Variants in TSPEAR observed in about 807,000 individuals in gnomAD.
TSPEAR encodes the protein thrombospondin type laminin G domain and EAR repeats, also known as thrombospondin-type laminin G domain and EAR repeat-containing protein.
A neutral mutation model predicts 71.6 loss-of-function variants in TSPEAR; 69 were observed. The ratio of observed to expected loss-of-function variants is 0.96; its 90% confidence interval spans 0.79 to 1.18. The LOEUF (loss-of-function observed/expected upper bound fraction) is 1.18, where lower values mean the gene tolerates loss of function less well. Ranked by LOEUF, TSPEAR falls within the 50% of genes most tolerant of loss-of-function variation. The pLI is 0.00. For synonymous variants in TSPEAR, 402 were observed against 387.2 expected, an observed-to-expected ratio of 1.04 and a Z score of -0.45; for missense variants, 971 against 894.9, an observed-to-expected ratio of 1.09 and a Z score of -1.09.
chr21:44,668,939 G>A lies in TSPEAR; in HGVS notation c.82+42494C>T, dbSNP rs182522700. Among the ~76,000 whole-genome samples the A allele has an allele frequency of 7.9e-5, 12 of 152,284 alleles. No individual in the cohort carries two copies. In the East Asian group the frequency reaches 2.3e-3, roughly 29 times the overall value. ...GGGAAATTGAAACTATTTTTTAAAT[G>A]GGAATGCTAGAACTAAAATGTACAA... On this transcript the variant is annotated intron_variant, in intron 1 of 11. Transcript: ENST00000323084.
At chr21:44,611,110 C>A (rs1210459543) in intron 1 of TSPEAR, among the ~76,000 whole-genome samples, 1 of 152,008 alleles carries the variant, frequency 6.6e-6, no homozygotes, top group South Asian at 2.1e-4. Flanking sequence ...TGGGTTAATG[C>A]TGAAATGAGT....
rs138752361 is a variant in TSPEAR at position 44,612,921 on chromosome 21, G to T, written c.83-44916C>A. ...CAGGAGTCCAGCTGCTGATGGGCAC[G>T]TCCCCCAGGGCCAGCCGGCTCCGGT... On this transcript the variant is annotated intron_variant, in intron 1 of 11. Transcript: ENST00000323084. The surrounding 1 kb of genome is among the most constrained non-coding windows in gnomAD (Gnocchi z 4.1). 1 of 1,601,090 alleles carries T rather than the reference G, an allele frequency of 6.2e-7. No homozygotes were observed. The highest frequency in any genetic ancestry group is 1.1e-5 in the South Asian group (1 of 90,482).
At chr21:44,572,230 C>T (rs1340369968) in intron 1 of TSPEAR, among the ~76,000 whole-genome samples, 8 of 152,178 alleles carry the variant, frequency 5.3e-5, no homozygotes, top group South Asian at 4.1e-4. Flanking sequence ...ATTGGGCAAC[C>T]GTCACAAACC....
At chr21:44,613,786 C>T (rs971913654) in intron 1 of TSPEAR, among the ~76,000 whole-genome samples, 4 of 151,784 alleles carry the variant, frequency 2.6e-5, no homozygotes, top group African/African-American at 7.2e-5. Context: ...TGCTTGCTGC[C>T]GACTGGGACA....
chr21:44,593,034 G>A lies in TSPEAR; in HGVS notation c.83-25029C>T, dbSNP rs907326235. Reference sequence around the variant, plus strand: ...GACCTCTTGGCTTTGAGCTCTGGACGACTTCTCATCCCCACAGCCTCTTCA... The same window carrying A: ...GACCTCTTGGCTTTGAGCTCTGGACAACTTCTCATCCCCACAGCCTCTTCA... On this transcript the variant is annotated intron_variant, in intron 1 of 11. Transcript: ENST00000323084. The surrounding 1 kb of genome is among the most constrained non-coding windows in gnomAD (Gnocchi z 5.9). Among the ~76,000 whole-genome samples, 6 of 152,174 alleles carry A rather than the reference G, an allele frequency of 3.9e-5. No individual in the cohort carries two copies. Among genetic ancestry groups the A allele is most frequent in the Admixed American group, 6.5e-5 (1 of 15,286 alleles).
chr21:44,616,883 C>T (rs909553304), intron 1 of TSPEAR, among the ~76,000 whole-genome samples: 4 of 152,226 alleles, frequency 2.6e-5, no homozygotes, highest in Admixed American at 2.6e-4. Context: ...GCTTCTGGGG[C>T]CGAACAACCC....
rs906404364 is a variant in TSPEAR, at chr21:44,557,002, G to A, written c.303+10783C>T. On this transcript the variant is annotated intron_variant, in intron 2 of 11. Coordinates refer to ENST00000323084, the MANE Select transcript of TSPEAR (RefSeq NM_144991.3). ...TATGAAAAAGTGAACTGGTGAGATAGCATGTACTTCCCTAGGGAGCATGTG... is the reference window on the plus strand; with the variant it reads ...TATGAAAAAGTGAACTGGTGAGATAACATGTACTTCCCTAGGGAGCATGTG... Among the ~76,000 whole-genome samples, 31 of 152,176 alleles carry A rather than the reference G, an allele frequency of 2.0e-4. 1 individual carries two copies. Among genetic ancestry groups the A allele is most frequent in the Admixed American group, 6.5e-5 (1 of 15,286 alleles).
At chr21:44,611,955 A>G in intron 1 of TSPEAR, 1 of 845,924 alleles carries the variant, frequency 1.2e-6, no homozygotes. Flanking sequence ...GCCTGGAGGC[A>G]AAGTCTCAGC....
intron 1 of TSPEAR, among the ~76,000 whole-genome samples, chr21:44,573,509 C>G (rs1233826464): frequency 6.6e-6 from 1 of 152,190 alleles, no homozygotes; most frequent in Non-Finnish European, 1.5e-5. Context: ...CACGCACATG[C>G]GCCCCAGGCC....
intron 1 of TSPEAR, among the ~76,000 whole-genome samples, chr21:44,616,301 C>T (rs1163735646): frequency 2.0e-5 from 3 of 152,300 alleles, no homozygotes; most frequent in African/African-American, 4.8e-5. Flanking sequence ...GTCTCTAAAG[C>T]GGGGAGAGAT....
chr21:44,582,781 C>T (rs1761189169), intron 1 of TSPEAR, among the ~76,000 whole-genome samples: 1 of 152,136 alleles, frequency 6.6e-6, no homozygotes, highest in South Asian at 2.1e-4. Context: ...ATTGAATGAT[C>T]ACACCAATTT....
intron 10 of TSPEAR, 46 bp from the exon 11 acceptor site, chr21:44,504,927 A>G: frequency 6.6e-7 from 1 of 1,505,914 alleles, no homozygotes; most frequent in Non-Finnish European, 9.2e-7. Context: ...AGACATCGCC[A>G]GGGAACTGGG....
At chr21:44,558,622 A>C in intron 2 of TSPEAR, 1 of 1,607,012 alleles carries the variant, frequency 6.2e-7, no homozygotes, top group Non-Finnish European at 8.5e-7. Context: ...CTGGTGGCGC[A>C]GCAGGGGGGC....
intron 1 of TSPEAR, among the ~76,000 whole-genome samples, chr21:44,611,887 A>T (rs1981698882): frequency 1.3e-5 from 2 of 152,142 alleles, no homozygotes; most frequent in Non-Finnish European, 2.9e-5. Flanking sequence ...TCACCCAACC[A>T]CATGCAGCAG....
At chr21:44,672,813 G>A (rs116896975) in intron 1 of TSPEAR, among the ~76,000 whole-genome samples, 5,960 of 152,116 alleles carry the variant, frequency 0.039, 132 homozygotes, top group Middle Eastern at 0.082. Flanking sequence ...GAGTTCTCAC[G>A]AGATCTGGTT....
At position 44,606,767 on chromosome 21, in the gene TSPEAR, G is replaced by C. The variant is rs375464009; in HGVS notation, c.83-38762C>G. Among the ~76,000 whole-genome samples the C allele has an allele frequency of 2.1e-4, 32 of 152,320 alleles. 1 individual carries two copies. The East Asian group carries it at 3.7e-3, about 17-fold the overall frequency. ...CATTATGCTAAGCGAAATAAGCCAGGCACAGAAAGACAAATGGCATGATTT... is the reference window on the plus strand; with the variant it reads ...CATTATGCTAAGCGAAATAAGCCAGCCACAGAAAGACAAATGGCATGATTT... On this transcript the variant is annotated intron_variant, in intron 1 of 11. Transcript: ENST00000323084.
intron 1 of TSPEAR, chr21:44,658,308 C>T: frequency 6.3e-7 from 1 of 1,583,080 alleles, no homozygotes; most frequent in Non-Finnish European, 8.6e-7. Flanking sequence ...ACACCTGTAT[C>T]CCTCCGTGAA....
intron 9 of TSPEAR, chr21:44,519,955 C>T (rs2052697926): frequency 1.3e-5 from 2 of 152,346 alleles, no homozygotes; most frequent in African/African-American, 4.8e-5. Context: ...TTACCAAGGC[C>T]AATGGCTGGA....
At chr21:44,607,064 G>T (rs587738368) in intron 1 of TSPEAR, among the ~76,000 whole-genome samples, 1 of 152,288 alleles carries the variant, frequency 6.6e-6, no homozygotes, top group African/African-American at 2.4e-5. Context: ...GTTATGTTAA[G>T]TAACTTGATT....
Sources: allele counts gnomAD v4.1 joint callset (sites outside exome capture counted in the v4.1 genomes callset), GRCh38; gene constraint gnomAD v4.1.1; non-coding constraint Gnocchi (gnomAD v3.1); transcripts MANE v1.5; gene names NCBI Gene and HGNC (gene_info 2026-07-23, HGNC 2026-07-21).